The following CRISPLD1 variants were observed in gnomAD, a reference collection of about 807,000 sequenced individuals.
CRISPLD1 encodes the protein cysteine-rich secretory protein LCCL domain-containing 1.
In CRISPLD1, 60 loss-of-function variants were observed where a neutral mutation model predicts 77.5. The ratio of observed to expected loss-of-function variants is 0.77; its 90% CI spans 0.63 to 0.96. CRISPLD1 has a LOEUF of 0.96. Ranked by LOEUF, CRISPLD1 falls within the 40% of genes least tolerant of loss-of-function variation. The pLI, the probability that CRISPLD1 is intolerant of heterozygous loss-of-function variation, is 0.00. For synonymous variants in CRISPLD1, 195 were observed against 200.1 expected (o/e 0.97, Z 0.22); for missense variants, 623 against 615.8 (o/e 1.01, Z -0.12).
chr8:75,003,280 A>G (rs188561680), intron 2 of CRISPLD1, among the ~76,000 whole-genome samples: 97 of 152,322 alleles, frequency 6.4e-4, no homozygotes, highest in Non-Finnish European at 3.8e-4. Flanking sequence ...TCAAGTTTGG[A>G]TGTCAAATTG....
rs1334178224 is a variant in CRISPLD1, at chr8:75,018,738, G to A, written c.1128-1132G>A. On this transcript the variant is annotated intron_variant, in intron 10 of 14. Coordinates refer to ENST00000262207, the MANE Select transcript of CRISPLD1 (RefSeq NM_031461.6). ...CCCAAGTAGCTGGGACTACAGGCAC[G>A]TGCCACCATGTCCAACTAATTTTTG... 3.3e-5 allele frequency among the ~76,000 whole-genome samples: 5 copies of A among 151,928 alleles called. No individual in the cohort carries two copies. The East Asian group carries it at 7.8e-4, about 24-fold the overall frequency.
chr8:75,000,265 C>T (rs543098256), intron 2 of CRISPLD1: 1 of 985,228 alleles, frequency 1.0e-6, no homozygotes, highest in Admixed American at 6.2e-5. Context: ...TGAATGAGAT[C>T]AGATGTTGTC....
intron 2 of CRISPLD1, among the ~76,000 whole-genome samples, chr8:75,005,856 C>T (rs1812821354): frequency 6.6e-6 from 1 of 152,158 alleles, no homozygotes; most frequent in Non-Finnish European, 1.5e-5. Flanking sequence ...TCCAGCATAA[C>T]TGCCTTTGCA....
chr8:75,009,118 T>C (rs1217052768), intron 2 of CRISPLD1, among the ~76,000 whole-genome samples: 1 of 152,102 alleles, frequency 6.6e-6, no homozygotes, highest in African/African-American at 2.4e-5. Context: ...TTCTAAGAGC[T>C]CAGCTGGATA....
Position 75,017,113 on chromosome 8 carries a change from G to C in CRISPLD1, c.996G>C (p.Met332Ile), listed in dbSNP as rs771563684. 1 of 1,607,694 alleles carries C rather than the reference G, an allele frequency of 6.2e-7. No individual in the cohort carries two copies. The highest frequency in any genetic ancestry group is 1.1e-5 in the South Asian group (1 of 90,752). Residue 332 changes from methionine (M) to isoleucine (I), a missense_variant and splice_region_variant, in exon 9 of 15, where the codon ATG becomes ATC. By Grantham distance (10) the Met-to-Ile change is conservative. Coordinates refer to ENST00000262207, the MANE Select transcript of CRISPLD1 (RefSeq NM_031461.6). Reference sequence around the variant, plus strand: ...TTATTGGCAGTGTACATTATGAAATGGTAAGTGTTATAAATGTAATTATTT... The same window carrying C: ...TTATTGGCAGTGTACATTATGAAATCGTAAGTGTTATAAATGTAATTATTT... ...AKVIGSVHYE[M>I]QSSICRAAIH...
At chr8:75,016,323 G>C (rs931371395) in intron 6 of CRISPLD1, among the ~76,000 whole-genome samples, 8 of 152,058 alleles carry the variant, frequency 5.3e-5, no homozygotes, top group African/African-American at 1.7e-4. Context: ...TTTAGAAGTG[G>C]CTTCATTGAA....
rs377591256 is a variant in CRISPLD1 at position 75,029,153 on chromosome 8, G to T, written c.1321-234G>T. ...TATTTGCTAGATTAGATTGGGGAGGGGTCTTACCGTTGCAGTCACCTTTAA... is the reference window on the plus strand; with the variant it reads ...TATTTGCTAGATTAGATTGGGGAGGTGTCTTACCGTTGCAGTCACCTTTAA... On this transcript the variant is annotated intron_variant, in intron 13 of 14. Transcript: ENST00000262207. Among the ~76,000 whole-genome samples the T allele has an allele frequency of 5.9e-4, 90 of 152,180 alleles. 1 individual carries two copies. Among genetic ancestry groups the T allele is most frequent in the African/African-American group, 2.0e-3 (85 of 41,528 alleles).
At chr8:75,029,265 G>A (rs1056446652) in intron 13 of CRISPLD1, 122 bp from the exon 14 acceptor site, 8 of 952,408 alleles carry the variant, frequency 8.4e-6, no homozygotes, top group African/African-American at 1.7e-5. Context: ...TCCTGTAGCT[G>A]CTCACTGGCT....
intron 2 of CRISPLD1, among the ~76,000 whole-genome samples, chr8:74,992,635 G>A (rs1812588472): frequency 6.6e-6 from 1 of 152,114 alleles, no homozygotes; most frequent in Admixed American, 6.6e-5. Flanking sequence ...AGAAGTGTTG[G>A]CAGACCCTCT....
At chr8:75,018,264 T>C (rs2128786582) in intron 10 of CRISPLD1, among the ~76,000 whole-genome samples, 1 of 150,202 alleles carries the variant, frequency 6.7e-6, no homozygotes, top group East Asian at 2.0e-4. Context: ...TATACAGTCT[T>C]TTTTTTTTAT....
At position 75,017,417 on chromosome 8, in the gene CRISPLD1, TCAAGTCCAATAGAAATGGTATTCAAA is replaced by T; in HGVS notation, c.1098_1123del (p.Lys366AsnfsTer8). On this transcript the variant is annotated frameshift_variant, in exon 10 of 15. Transcript: ENST00000262207. LOFTEE classifies it high-confidence loss of function. ...AGACAAGGAAGAAAGCATTATTTCA[TCAAGTCCAATAGAAATGGTATTCAAA>T]CAATTGGGTAAGTACCAAAATAATC... The T allele has an allele frequency of 6.2e-7, 1 of 1,610,350 alleles. No individual in the cohort carries two copies. Among genetic ancestry groups the T allele is most frequent in the Non-Finnish European group, 8.5e-7 (1 of 1,178,462 alleles).
chr8:75,008,498 TAGA>T (rs1812873938), intron 2 of CRISPLD1, among the ~76,000 whole-genome samples: 1 of 152,190 alleles, frequency 6.6e-6, no homozygotes, highest in Non-Finnish European at 1.5e-5. Flanking sequence ...TAAGTCATGA[TAGA>T]ATTTCTTCCA....
At chr8:75,005,718 G>A (rs1471342046) in intron 2 of CRISPLD1, among the ~76,000 whole-genome samples, 1 of 152,138 alleles carries the variant, frequency 6.6e-6, no homozygotes, top group African/African-American at 2.4e-5. Context: ...AAAGAAGGAT[G>A]TTTGGGGAAT....
At chr8:75,023,885 T>A (rs1431947402) in intron 12 of CRISPLD1, among the ~76,000 whole-genome samples, 5 of 152,148 alleles carry the variant, frequency 3.3e-5, no homozygotes, top group African/African-American at 4.8e-5. Flanking sequence ...GTAGATTTTT[T>A]AAAATATCAT....
At chr8:74,993,886 G>A (rs745560609) in intron 2 of CRISPLD1, among the ~76,000 whole-genome samples, 11 of 152,228 alleles carry the variant, frequency 7.2e-5, no homozygotes, top group Non-Finnish European at 1.2e-4. Flanking sequence ...TGGAATAGAT[G>A]TGAGTCTCCA....
chr8:75,015,673 C>T (rs1000369929), intron 6 of CRISPLD1, among the ~76,000 whole-genome samples: 11 of 152,174 alleles, frequency 7.2e-5, no homozygotes, highest in African/African-American at 2.4e-4. Context: ...CATAATGACA[C>T]GTGTCTTTTT....
intron 14 of CRISPLD1, 83 bp from the exon 15 acceptor site, chr8:75,032,108 G>A: frequency 1.1e-6 from 1 of 942,312 alleles, no homozygotes; most frequent in Non-Finnish European, 1.6e-6. Context: ...TTTCTTGACT[G>A]TCATAAGAAA....
intron 2 of CRISPLD1, among the ~76,000 whole-genome samples, chr8:74,997,440 G>A (rs886959829): frequency 1.3e-5 from 2 of 152,142 alleles, no homozygotes; most frequent in African/African-American, 4.8e-5. Context: ...AGAAAGTGAA[G>A]ATGAAATCAG....
intron 12 of CRISPLD1, among the ~76,000 whole-genome samples, chr8:75,025,009 T>G (rs1813207416): frequency 6.6e-6 from 1 of 152,182 alleles, no homozygotes; most frequent in Non-Finnish European, 1.5e-5. Flanking sequence ...TTGAGATGTT[T>G]ATTATAGCTA....
Sources: allele counts gnomAD v4.1 joint callset (sites outside exome capture counted in the v4.1 genomes callset), GRCh38; gene constraint gnomAD v4.1.1; transcripts MANE v1.5; gene names NCBI Gene and HGNC (gene_info 2026-07-23, HGNC 2026-07-21).